The following OPA1 variants were observed in gnomAD, a reference collection of about 807,000 sequenced individuals.
OPA1 encodes OPA1 mitochondrial dynamin like GTPase, also known as dynamin-like GTPase OPA1, mitochondrial.
OPA1 carries 59 observed loss-of-function variants against 152.9 expected under a neutral mutation model. That is an observed-to-expected ratio of 0.39 (90% CI 0.31 to 0.48). The LOEUF is 0.48. Ranked by LOEUF, OPA1 falls within the 20% of genes least tolerant of loss-of-function variation. OPA1 has a pLI of 0.96. For synonymous variants in OPA1, 400 were observed against 389.9 expected (o/e 1.03, Z -0.31); for missense variants, 1,008 against 1,216.8 (o/e 0.83, Z 2.55).
intron 29 of OPA1, among the ~76,000 whole-genome samples, chr3:193,672,026 C>G (rs957639525): frequency 6.6e-6 from 1 of 152,160 alleles, no homozygotes; most frequent in African/African-American, 2.4e-5. Context: ...CTAGAAAATT[C>G]AGTTTCAAAG....
chr3:193,607,063 T>G (rs1175412476), intron 1 of OPA1, among the ~76,000 whole-genome samples: 2 of 152,260 alleles, frequency 1.3e-5, no homozygotes, highest in African/African-American at 4.8e-5. Flanking sequence ...CATAAATGTC[T>G]TCTTTTGAGA....
chr3:193,600,520 A>G (rs368384176), intron 1 of OPA1, among the ~76,000 whole-genome samples: 38 of 152,302 alleles, frequency 2.5e-4, no homozygotes, highest in African/African-American at 8.9e-4. Context: ...GCTAAGGTGT[A>G]CTCCTTAATA....
chr3:193,684,744 C>T (rs1720702946), intron 29 of OPA1, among the ~76,000 whole-genome samples: 1 of 151,980 alleles, frequency 6.6e-6, no homozygotes, highest in Non-Finnish European at 1.5e-5. Flanking sequence ...AGCCACTGCG[C>T]CCAGCCAAGT....
intron 29 of OPA1, among the ~76,000 whole-genome samples, chr3:193,669,600 G>A (rs1717472178): frequency 6.6e-6 from 1 of 152,148 alleles, no homozygotes; most frequent in African/African-American, 2.4e-5. Context: ...TGCTAAATTA[G>A]TACCGTTACA....
intron 7 of OPA1, among the ~76,000 whole-genome samples, chr3:193,629,525 C>T (rs1014287110): frequency 6.6e-6 from 1 of 151,730 alleles, no homozygotes; most frequent in African/African-American, 2.4e-5. Context: ...GGTGAAACCC[C>T]ATCTCTACTA....
chr3:193,623,434 G>T (rs1730513988), intron 6 of OPA1, among the ~76,000 whole-genome samples: 1 of 151,782 alleles, frequency 6.6e-6, no homozygotes, highest in Non-Finnish European at 1.5e-5. Flanking sequence ...TAATTTTCTT[G>T]ATCTGATGTT....
Position 193,643,258 on chromosome 3 carries a change from CGT to C in OPA1, c.1306-114_1306-113del, listed in dbSNP as rs1218655334. 6.3e-4 allele frequency: 569 copies of C among 899,700 alleles called. 9 individuals are homozygous for C. In the South Asian group the frequency reaches 8.0e-3, roughly 13 times the overall value. The allele number at this position is 899,700 out of a possible 1,614,324, so 55.7% of individuals were successfully genotyped here. On this transcript the variant is annotated intron_variant, in intron 13 of 30. Coordinates refer to ENST00000361510, the MANE Select transcript of OPA1 (RefSeq NM_130837.3). ...AGAGAAAGAATACCATTTTTGTGAG[CGT>C]CTTATCTGAATGGATGAGATATAGA...
intron 8 of OPA1, chr3:193,631,903 C>G: frequency 1.8e-6 from 1 of 569,970 alleles, no homozygotes; most frequent in Non-Finnish European, 3.1e-6. Context: ...ATCTTATGCC[C>G]AAAAGGGAGA....
chr3:193,609,347 A>G (rs1326443911), intron 1 of OPA1, among the ~76,000 whole-genome samples: 1 of 152,156 alleles, frequency 6.6e-6, no homozygotes, highest in African/African-American at 2.4e-5. Context: ...CTTTTCTTTA[A>G]GAATGTTGAA....
intron 6 of OPA1, 28 bp downstream of exon 6, chr3:193,618,964 A>G (rs749933498): frequency 1.9e-6 from 3 of 1,558,176 alleles, no homozygotes; most frequent in Non-Finnish European, 1.8e-6. Flanking sequence ...TTGTTCATGT[A>G]GGTAGTCTTG....
intron 29 of OPA1, among the ~76,000 whole-genome samples, chr3:193,676,554 G>T (rs1385776041): frequency 6.6e-6 from 1 of 152,192 alleles, no homozygotes; most frequent in African/African-American, 2.4e-5. Flanking sequence ...TAGAGAAGTG[G>T]TTATTTACAC....
At chr3:193,596,410 C>CTTTTCTTTTCTTTTCTTT (rs1725596830) in intron 1 of OPA1, among the ~76,000 whole-genome samples, 1 of 124,528 alleles carries the variant, frequency 8.0e-6, no homozygotes, top group Non-Finnish European at 1.7e-5. Flanking sequence ...CTTTTCTTTT[C>CTTTTCTTTTCTTTTCTTT]TTTTCTTTTC....
Position 193,692,082 on chromosome 3 carries a change from A to T in OPA1, c.3003A>T (p.Gln1001His). The part of the protein sequence containing the change: ...AEDLKKVREI[Q>H]EKLDAFIEAL... ...CCACAGAGAAAGTTAGAGAAATTCA[A>T]GAAAAACTTGATGCTTTCATTGAAG... The change falls in exon 30 of 31, where the codon CAA becomes CAT. Residue 1001 changes from glutamine (Q) to histidine (H), a missense_variant. Gln to His is a conservative substitution (Grantham distance 24). Around this residue, in one of 7 missense-constraint regions of OPA1, gnomAD observed 137 missense variants for 171.0 expected, o/e 0.80. Transcript: ENST00000361510. 1 of 1,548,408 alleles carries T rather than the reference A, an allele frequency of 6.5e-7. No individual in the cohort carries two copies. Among genetic ancestry groups the T allele is most frequent in the East Asian group, 2.3e-5 (1 of 43,746 alleles).
intron 1 of OPA1, among the ~76,000 whole-genome samples, chr3:193,609,427 C>T (rs1247369701): frequency 6.6e-6 from 1 of 152,188 alleles, no homozygotes; most frequent in East Asian, 1.9e-4. Context: ...TGATGGGCTT[C>T]CCTTTGTGGG....
intron 1 of OPA1, among the ~76,000 whole-genome samples, chr3:193,606,374 A>G (rs1242231324): frequency 6.6e-6 from 1 of 151,792 alleles, no homozygotes; most frequent in Admixed American, 6.6e-5. Flanking sequence ...CCATTAACTC[A>G]TCATTTACAT....
At chr3:193,642,910 A>G in intron 12 of OPA1, 65 bp downstream of exon 12, 3 of 1,567,876 alleles carry the variant, frequency 1.9e-6, no homozygotes, top group Non-Finnish European at 2.6e-6. Context: ...TATAAAAGAC[A>G]GTTAAAGAAT....
chr3:193,607,772 AAGT>A (rs1727521403), intron 1 of OPA1, among the ~76,000 whole-genome samples: 1 of 152,132 alleles, frequency 6.6e-6, no homozygotes. Flanking sequence ...ATGAACTTTA[AAGT>A]AGTTTTTTCC....
Position 193,690,315 on chromosome 3 carries a change from C to G in OPA1, c.2984-1748C>G, listed in dbSNP as rs1577407296. Among the ~76,000 whole-genome samples the G allele has an allele frequency of 2.8e-5, 3 of 105,820 alleles. 1 individual carries two copies. The highest frequency in any genetic ancestry group is 6.8e-4 in the East Asian group (2 of 2,942). 69.4% of individuals were successfully genotyped at this position (105,820 alleles called of 152,430 possible). On this transcript the variant is annotated intron_variant, in intron 29 of 30. Coordinates refer to ENST00000361510, the MANE Select transcript of OPA1 (RefSeq NM_130837.3). ...AAAACAACTGGACTCCCCCCCCACC[C>G]CACCCCACACACACACAGATTTTAT...
chr3:193,642,996 A>G lies in OPA1; in HGVS notation c.1252A>G (p.Ile418Val). 6.2e-7 allele frequency: 1 copy of G among 1,613,988 alleles called. No individual in the cohort carries two copies. Among genetic ancestry groups the G allele is most frequent in the Non-Finnish European group, 8.5e-7 (1 of 1,179,864 alleles). ...TTAGCTTGCAGCATTAAGACATGAA[A>G]TAGAACTTCGAATGAGGAAAAATGT... ...EEDLAALRHE[I>V]ELRMRKNVKE... Residue 418 changes from isoleucine to valine, a missense_variant, in exon 13 of 31, where the codon ATA becomes GTA. Ile to Val is a conservative substitution (Grantham distance 29, BLOSUM62 3). This residue lies in a region of OPA1 where 213 missense variants were observed against 291.4 expected (regional missense o/e 0.73). Transcript: ENST00000361510.
Sources: gnomAD v4.1 joint callset for allele counts (sites outside exome capture counted in the v4.1 genomes callset) on GRCh38, gnomAD v4.1.1 for gene constraint, gnomAD v4.1.1 regional missense constraint, MANE v1.5 for transcripts, NCBI Gene and HGNC (gene_info 2026-07-23, HGNC 2026-07-21) for gene names.